The following LARP4B variants were observed in gnomAD, a reference collection of about 807,000 sequenced individuals.
LARP4B encodes La ribonucleoprotein 4B.
A neutral mutation model predicts 89.8 loss-of-function variants in LARP4B; 12 were observed. The observed-to-expected ratio is 0.13, with a 90% CI of 0.09 to 0.22. LARP4B has a LOEUF of 0.22. LARP4B is among the 10% of genes least tolerant of loss of function. The probability of loss-of-function intolerance (pLI) is 1.00; values close to 1 mark genes in which losing one functional copy is unlikely to be tolerated. For missense variants in LARP4B, 757 were observed against 947.7 expected, an observed-to-expected ratio of 0.80 and a Z score of 2.64; for synonymous variants, 367 against 363.3, an observed-to-expected ratio of 1.01 and a Z score of -0.12.
chr10:922,795 G>C (rs971407528), intron 1 of LARP4B, among the ~76,000 whole-genome samples: 1 of 152,104 alleles, frequency 6.6e-6, no homozygotes, highest in African/African-American at 2.4e-5. Context: ...TACGCAGGCC[G>C]GGCACAGTGG....
intron 3 of LARP4B, among the ~76,000 whole-genome samples, chr10:883,485 G>T (rs564026288): frequency 1.3e-5 from 2 of 151,548 alleles, no homozygotes; most frequent in Admixed American, 6.6e-5. Flanking sequence ...ACACCAGCCT[G>T]GGCAACAAGA....
At chr10:837,359 G>A (rs888515239) in intron 7 of LARP4B, among the ~76,000 whole-genome samples, 2 of 152,144 alleles carry the variant, frequency 1.3e-5, no homozygotes, top group Non-Finnish European at 2.9e-5. Context: ...CTGTGCTTGT[G>A]GGTTGTAAAA....
At position 811,528 on chromosome 10, in the gene LARP4B, T is replaced by C. The variant is rs1362332737; in HGVS notation, c.*1398A>G. ...AACTAGCGACAGGAGATCCACGCAGTAACTGAGTAACTCTGACCCACTCAC... is the reference window on the plus strand; with the variant it reads ...AACTAGCGACAGGAGATCCACGCAGCAACTGAGTAACTCTGACCCACTCAC... On this transcript the variant is annotated 3_prime_UTR_variant, in exon 18 of 18. Transcript: ENST00000316157. The C allele has an allele frequency of 3.3e-5, 5 of 152,668 alleles. No individual in the cohort carries two copies. The highest frequency in any genetic ancestry group is 1.2e-4 in the African/African-American group (5 of 41,462). The allele number at this position is 152,668 out of a possible 1,614,324, so 9.5% of individuals were successfully genotyped here. A position where few individuals can be genotyped will look rare whatever the true frequency, so the allele number is the denominator to read the frequency against.
the LARP4B span, among the ~76,000 whole-genome samples, chr10:944,781 T>C: frequency 1.3e-5 from 2 of 151,750 alleles, no homozygotes. Flanking sequence ...TTTCTGTTTC[T>C]GGTGTTCTTT....
intron 1 of LARP4B, among the ~76,000 whole-genome samples, chr10:923,288 T>C (rs1276629394): frequency 6.6e-6 from 1 of 152,228 alleles, no homozygotes; most frequent in Non-Finnish European, 1.5e-5. Context: ...TCAAGTCTAC[T>C]TTTAAAGTCA....
At chr10:937,918 T>C in the LARP4B span, among the ~76,000 whole-genome samples, 1 of 152,154 alleles carries the variant, frequency 6.6e-6, no homozygotes, top group African/African-American at 2.4e-5. Context: ...GGAGTCTTGC[T>C]CTGTCTCCCA....
At chr10:959,865 C>T in the LARP4B span, among the ~76,000 whole-genome samples, 1 of 143,894 alleles carries the variant, frequency 6.9e-6, no homozygotes, top group East Asian at 2.1e-4. Context: ...CAATCCACCT[C>T]CTCGTCAATC....
At chr10:905,465 A>G (rs1194223926) in intron 1 of LARP4B, among the ~76,000 whole-genome samples, 1 of 152,236 alleles carries the variant, frequency 6.6e-6, no homozygotes, top group Non-Finnish European at 1.5e-5. Flanking sequence ...AAGTCAAGAC[A>G]AGGAATCTAA....
intron 8 of LARP4B, 88 bp downstream of exon 8, chr10:836,315 C>A: frequency 2.1e-6 from 2 of 932,338 alleles, no homozygotes; most frequent in South Asian, 1.5e-5. Context: ...ACACACAGCC[C>A]AAAAAAACAC....
intron 3 of LARP4B, among the ~76,000 whole-genome samples, chr10:872,460 C>T (rs939741337): frequency 1.3e-5 from 2 of 152,194 alleles, no homozygotes; most frequent in Non-Finnish European, 2.9e-5. Flanking sequence ...CAGGCAGAGT[C>T]GGCAACACAA....
rs1451474320 is a variant in LARP4B, at chr10:815,056, G to A, written c.1710C>T (p.Asp570=). 9 of 1,586,178 alleles carry A rather than the reference G, an allele frequency of 5.7e-6. No individual in the cohort carries two copies. Among genetic ancestry groups the A allele is most frequent in the Admixed American group, 3.5e-5 (2 of 56,724 alleles). The stretch of plus-strand genomic sequence containing the variant: ...CTACAGGAAGGGTGTTCACGCTTGC[G>A]TCTGCACTGAGGGTCTGAAACAGGG... ...GPSKERTLSA[D]ASVNTLPVVV... is the part of the protein sequence containing the mutation. The change falls in exon 16 of 18, where the codon GAC becomes GAT. Residue 570 remains aspartate (D), a synonymous_variant. Transcript: ENST00000316157.
Position 810,366 on chromosome 10 carries a change from A to C in LARP4B, c.*2560T>G, listed in dbSNP as rs1481581567. ...CACCTTTAATTAAAAAGGATGCTAT[A>C]AAAATCACCTCCGAGCAACGTTTCA... On this transcript the variant is annotated 3_prime_UTR_variant, in exon 18 of 18. Transcript: ENST00000316157. The C allele has an allele frequency of 6.6e-6, 1 of 152,210 alleles. No individual in the cohort carries two copies. Among genetic ancestry groups the C allele is most frequent in the African/African-American group, 2.4e-5 (1 of 41,452 alleles). The allele number at this position is 152,210 out of a possible 1,614,324, so 9.4% of individuals were successfully genotyped here. A position where few individuals can be genotyped will look rare whatever the true frequency, so the allele number is the denominator to read the frequency against.
At chr10:914,952 G>A (rs1588986895) in intron 1 of LARP4B, among the ~76,000 whole-genome samples, 1 of 152,060 alleles carries the variant, frequency 6.6e-6, no homozygotes, top group South Asian at 2.1e-4. Context: ...TAAATTAGAA[G>A]AGAATTATTT....
chr10:846,560 TGACA>T (rs1833786485), intron 5 of LARP4B, among the ~76,000 whole-genome samples: 1 of 151,854 alleles, frequency 6.6e-6, no homozygotes, highest in East Asian at 1.9e-4. Flanking sequence ...AGAAGAGGGG[TGACA>T]GACACAGTAA....
intron 9 of LARP4B, 84 bp from the exon 10 acceptor site, chr10:829,818 G>T: frequency 1.1e-6 from 1 of 883,480 alleles, no homozygotes; most frequent in African/African-American, 1.7e-5. Context: ...AGCTCAAATA[G>T]GGAAATATAT....
At chr10:972,729 A>G in the LARP4B span, 1 of 457,090 alleles carries the variant, frequency 2.2e-6, no homozygotes, top group Admixed American at 2.3e-5. Flanking sequence ...GAGATCTGAT[A>G]TTGACAAGTA....
intron 1 of LARP4B, among the ~76,000 whole-genome samples, chr10:916,885 T>TG (rs1836836251): frequency 6.6e-6 from 1 of 152,068 alleles, no homozygotes; most frequent in Non-Finnish European, 1.5e-5. Flanking sequence ...TTTGTCGAGA[T>TG]GGGGGTCTTG....
At position 817,787 on chromosome 10, in the gene LARP4B, T is replaced by G. The variant is rs1414043693; in HGVS notation, c.1633A>C (p.Lys545Gln). Residue 545 changes from lysine to glutamine, a missense_variant, in exon 15 of 18, where the codon AAG becomes CAG. By Grantham distance (53) the Lys-to-Gln change is moderately conservative. Around this residue, in one of 5 missense-constraint regions of LARP4B, gnomAD observed 387 missense variants for 423.6 expected, o/e 0.91. Transcript: ENST00000316157. ...PPLPGAAGNL[K>Q]TEDLFENRLS... Reference sequence around the variant, plus strand: ...CTGTTTTCAAACAAGTCCTCTGTCTTCAAATTGCCGGCAGCTCCAGGTAAT... The same window carrying G: ...CTGTTTTCAAACAAGTCCTCTGTCTGCAAATTGCCGGCAGCTCCAGGTAAT... The G allele has an allele frequency of 1.3e-5, 21 of 1,614,178 alleles. No individual in the cohort carries two copies. Among genetic ancestry groups the G allele is most frequent in the Non-Finnish European group, 1.8e-5 (21 of 1,180,034 alleles).
chr10:848,277 G>A (rs1313903579), intron 5 of LARP4B, among the ~76,000 whole-genome samples: 2 of 152,006 alleles, frequency 1.3e-5, no homozygotes, highest in East Asian at 3.9e-4. Flanking sequence ...AGATATGAAA[G>A]GATCACACTG....
Sources: gnomAD v4.1 joint callset for allele counts (sites outside exome capture counted in the v4.1 genomes callset) on GRCh38, gnomAD v4.1.1 for gene constraint, gnomAD v4.1.1 regional missense constraint, MANE v1.5 for transcripts, NCBI Gene and HGNC (gene_info 2026-07-23, HGNC 2026-07-21) for gene names.